Variants in FUT8 observed in about 807,000 individuals in gnomAD.
The protein encoded by FUT8 is fucosyltransferase 8, also known as alpha-(1,6)-fucosyltransferase.
FUT8 carries 29 observed loss-of-function variants against 71.3 expected under a neutral mutation model. The ratio of observed to expected loss-of-function variants is 0.41; its 90% CI spans 0.30 to 0.55. The LOEUF is 0.55. Among genes scored for constraint, FUT8 ranks in the 20% least tolerant of loss-of-function variants. FUT8 has a pLI of 0.34. For missense variants in FUT8, 544 were observed against 702.1 expected (o/e 0.77, Z 2.55); for synonymous variants, 254 against 239.3 (o/e 1.06, Z -0.57).
intron 2 of FUT8, among the ~76,000 whole-genome samples, chr14:65,522,588 T>C (rs1463015868): frequency 6.6e-6 from 1 of 152,150 alleles, no homozygotes; most frequent in Non-Finnish European, 1.5e-5. Flanking sequence ...TTTTAAAAAT[T>C]ATACTTTAAG....
chr14:65,600,125 CCCACAACAAT>C (rs1220251952), intron 3 of FUT8, among the ~76,000 whole-genome samples: 48 of 152,200 alleles, frequency 3.2e-4, no homozygotes, highest in African/African-American at 1.1e-3. Flanking sequence ...GTCTAAATTC[CCCACAACAAT>C]CCATTTCTTT....
At chr14:65,449,100 A>G (rs531929602) in intron 1 of FUT8, among the ~76,000 whole-genome samples, 42 of 152,332 alleles carry the variant, frequency 2.8e-4, no homozygotes, top group African/African-American at 9.6e-4. Flanking sequence ...AAATAAATAG[A>G]TCCTTTTAAT....
intron 1 of FUT8, among the ~76,000 whole-genome samples, chr14:65,449,152 C>G (rs1348043244): frequency 6.6e-6 from 1 of 152,068 alleles, no homozygotes; most frequent in African/African-American, 2.4e-5. Context: ...TGATTTAGTA[C>G]TAGTTTATGT....
At chr14:65,597,489 G>T (rs1888048307) in intron 3 of FUT8, among the ~76,000 whole-genome samples, 1 of 152,142 alleles carries the variant, frequency 6.6e-6, no homozygotes, top group South Asian at 2.1e-4. Context: ...CGGGCATGGT[G>T]GTGGGCACCT....
At chr14:65,595,857 C>T (rs1255608997) in intron 3 of FUT8, among the ~76,000 whole-genome samples, 1 of 152,136 alleles carries the variant, frequency 6.6e-6, no homozygotes, top group Non-Finnish European at 1.5e-5. Flanking sequence ...GATCTGCCCA[C>T]CTCAGCTTCC....
rs529998283 is a variant in FUT8, at chr14:65,488,408, G to C, written c.-228+32690G>C. 4.6e-5 allele frequency: 7 copies of C among 152,306 alleles called. No homozygotes were observed. The East Asian group carries it at 1.4e-3, about 29-fold the overall frequency. The allele number at this position is 152,306 out of a possible 1,614,324, so 9.4% of individuals were successfully genotyped here. ...ACCCAACCTTTCAAAGACTGCCTGTGCTTTTCAGGGAGCTCAGTTTTGTGA... is the reference window on the plus strand; with the variant it reads ...ACCCAACCTTTCAAAGACTGCCTGTCCTTTTCAGGGAGCTCAGTTTTGTGA... On this transcript the variant is annotated intron_variant, in intron 2 of 10. Coordinates refer to ENST00000673929, the MANE Select transcript of FUT8 (RefSeq NM_001371533.1).
chr14:65,517,533 G>T (rs1042466200), intron 2 of FUT8, among the ~76,000 whole-genome samples: 2 of 152,134 alleles, frequency 1.3e-5, no homozygotes, highest in Non-Finnish European at 2.9e-5. Flanking sequence ...CAGTTAGGAG[G>T]CAGATACATG....
chr14:65,629,741 C>T (rs369240949), intron 6 of FUT8, 135 bp downstream of exon 6: 1 of 627,834 alleles, frequency 1.6e-6, no homozygotes. Flanking sequence ...CATATTTATT[C>T]AGAAAGACAC....
At chr14:65,582,167 A>G (rs986808728) in intron 3 of FUT8, among the ~76,000 whole-genome samples, 2 of 152,172 alleles carry the variant, frequency 1.3e-5, no homozygotes, top group African/African-American at 4.8e-5. Context: ...CTTCCATCCA[A>G]TTAAAATAAT....
chr14:65,470,079 A>T (rs2066115330), intron 2 of FUT8, among the ~76,000 whole-genome samples: 1 of 152,238 alleles, frequency 6.6e-6, no homozygotes, highest in African/African-American at 2.4e-5. Flanking sequence ...GCCTGCCAGC[A>T]TGGAGCAGCT....
intron 5 of FUT8, among the ~76,000 whole-genome samples, chr14:65,622,871 G>A (rs1395219201): frequency 6.7e-6 from 1 of 149,800 alleles, no homozygotes; most frequent in East Asian, 2.0e-4. Context: ...TTCTTGCCTG[G>A]ATTCCATCTC....
intron 9 of FUT8, among the ~76,000 whole-genome samples, chr14:65,730,031 A>C (rs1895895189): frequency 1.3e-5 from 2 of 152,102 alleles, no homozygotes; most frequent in Non-Finnish European, 2.9e-5. Flanking sequence ...TCTGCTTTAA[A>C]ATACTCAGGA....
chr14:65,557,559 C>T (rs1421982299), intron 2 of FUT8, among the ~76,000 whole-genome samples: 1 of 151,556 alleles, frequency 6.6e-6, no homozygotes, highest in Non-Finnish European at 1.5e-5. Flanking sequence ...TCTTGAACTC[C>T]TGACCTTGTG....
chr14:65,361,010 T>G, the FUT8 span, among the ~76,000 whole-genome samples: 23 of 152,166 alleles, frequency 1.5e-4, 1 homozygote, highest in Non-Finnish European at 8.8e-5. Context: ...TTGGAAACTT[T>G]CAAGGTGCTA....
At chr14:65,372,134 A>G in the FUT8 span, among the ~76,000 whole-genome samples, 1 of 151,992 alleles carries the variant, frequency 6.6e-6, no homozygotes, top group Admixed American at 6.6e-5. Flanking sequence ...CCCCATGTGT[A>G]ACCAAGCTCC....
In FUT8 at chr14:65,561,064, A is replaced by G. The variant is rs113294617; in HGVS notation, c.-227-273A>G. ...TTCATATATAAGTTAATGTATAATT[A>G]TGCAAGAAGGAAAAGAAAGTGATGA... On this transcript the variant is annotated intron_variant, in intron 2 of 10. Coordinates refer to ENST00000673929, the MANE Select transcript of FUT8 (RefSeq NM_001371533.1). Among the ~76,000 whole-genome samples the G allele has an allele frequency of 8.1e-3, 1,228 of 152,324 alleles. 17 individuals are homozygous for G. Among genetic ancestry groups the G allele is most frequent in the African/African-American group, 0.028 (1,174 of 41,582 alleles).
intron 7 of FUT8, among the ~76,000 whole-genome samples, chr14:65,701,316 G>A (rs1330013592): frequency 6.6e-6 from 1 of 152,172 alleles, no homozygotes; most frequent in African/African-American, 2.4e-5. Context: ...AAATGTGTGT[G>A]CTTTAATGTT....
At chr14:65,562,453 A>G (rs910534616) in intron 3 of FUT8, among the ~76,000 whole-genome samples, 4 of 152,160 alleles carry the variant, frequency 2.6e-5, no homozygotes, top group Non-Finnish European at 5.9e-5. Context: ...AATGTGACAT[A>G]TATCTATTAG....
rs2139640873 is a variant in FUT8 at position 65,472,530 on chromosome 14, T to C, written c.-228+16812T>C. Among the ~76,000 whole-genome samples, 1 of 152,172 alleles carries C rather than the reference T, an allele frequency of 6.6e-6. No homozygotes were observed. Among genetic ancestry groups the C allele is most frequent in the Admixed American group, 6.5e-5 (1 of 15,280 alleles). On this transcript the variant is annotated intron_variant, in intron 2 of 10. Coordinates refer to ENST00000673929, the MANE Select transcript of FUT8 (RefSeq NM_001371533.1). The surrounding 1 kb of genome is among the most constrained non-coding windows in gnomAD (Gnocchi z 4.4). ...CAGCAGCCTTTGTTTTCTATGTTGA[T>C]GGCCAAAGGTTTATTTTTATATTCT...
Sources: allele counts gnomAD v4.1 joint callset (sites outside exome capture counted in the v4.1 genomes callset), GRCh38; gene constraint gnomAD v4.1.1; non-coding constraint Gnocchi (gnomAD v3.1); transcripts MANE v1.5; gene names NCBI Gene and HGNC (gene_info 2026-07-23, HGNC 2026-07-21).